The following PLA2R1 variants were observed in gnomAD, a reference collection of about 807,000 sequenced individuals.
The protein encoded by PLA2R1 is phospholipase A2 receptor 1, also known as secretory phospholipase A2 receptor.
PLA2R1 carries 158 observed loss-of-function variants against 195.9 expected under a neutral mutation model. That is an observed-to-expected ratio of 0.81 (90% CI 0.71 to 0.92). The LOEUF is 0.92. PLA2R1 is among the 40% of genes least tolerant of loss of function. The pLI, the probability that PLA2R1 is intolerant of heterozygous loss-of-function variation, is 0.00. For missense variants in PLA2R1, 1,626 were observed against 1,764.6 expected, an observed-to-expected ratio of 0.92 and a Z score of 1.41; for synonymous variants, 586 against 598.2, an observed-to-expected ratio of 0.98 and a Z score of 0.30.
At chr2:159,976,771 T>G in intron 15 of PLA2R1, 51 bp from the exon 16 acceptor site, 1 of 1,390,054 alleles carries the variant, frequency 7.2e-7, no homozygotes, top group Non-Finnish European at 1.0e-6. Context: ...TCAAGTGCAT[T>G]GTCTGTGAAT....
chr2:159,947,656 T>C (rs1181156423), intron 25 of PLA2R1, 97 bp from the exon 26 acceptor site: 8 of 1,170,068 alleles, frequency 6.8e-6, no homozygotes, highest in Admixed American at 2.2e-5. Context: ...AAGATAAATA[T>C]ATGTAACAAG....
chr2:159,968,636 T>C (rs1040183807), intron 19 of PLA2R1, among the ~76,000 whole-genome samples: 1 of 152,178 alleles, frequency 6.6e-6, no homozygotes, highest in Non-Finnish European at 1.5e-5. Flanking sequence ...GTTAGAGTAA[T>C]GGGTATCATT....
At chr2:160,020,298 C>G in intron 7 of PLA2R1, 35 bp from the exon 8 acceptor site, 1 of 1,516,346 alleles carries the variant, frequency 6.6e-7, no homozygotes, top group African/African-American at 1.4e-5. Context: ...TTATGGGATC[C>G]TATTATTTGC....
At chr2:159,947,984 C>G (rs1687490846) in intron 25 of PLA2R1, among the ~76,000 whole-genome samples, 2 of 152,258 alleles carry the variant, frequency 1.3e-5, no homozygotes, top group South Asian at 4.1e-4. Flanking sequence ...AAAGTCCTTA[C>G]CCACTAATAA....
rs1313315377 is a variant in PLA2R1 at position 160,013,743 on chromosome 2, G to A, written c.1552-368C>T. Among the ~76,000 whole-genome samples, 8 of 141,470 alleles carry A rather than the reference G, an allele frequency of 5.7e-5. 1 individual carries two copies. In the Middle Eastern group the frequency reaches 0.024, roughly 433 times the overall value. The allele number at this position is 141,470 out of a possible 152,430, so 92.8% of individuals were successfully genotyped here. A position where few individuals can be genotyped will look rare whatever the true frequency, so the allele number is the denominator to read the frequency against. The stretch of plus-strand genomic sequence containing the variant: ...TCTCTGTGTGTGTGTGTGTGTGTGT[G>A]TGTGTGTGTCTCTCTCTCTCTGACT... On this transcript the variant is annotated intron_variant, in intron 9 of 29. Transcript: ENST00000283243.
At chr2:160,046,609 TAATA>T (rs1418211416) in intron 1 of PLA2R1, among the ~76,000 whole-genome samples, 1 of 152,196 alleles carries the variant, frequency 6.6e-6, no homozygotes, top group Non-Finnish European at 1.5e-5. Flanking sequence ...GTCAATGTAT[TAATA>T]AATGGTATAC....
At chr2:159,977,548 C>G (rs1293561002) in intron 14 of PLA2R1, 132 bp from the exon 15 acceptor site, 4 of 629,224 alleles carry the variant, frequency 6.4e-6, no homozygotes, top group Non-Finnish European at 1.1e-5. Flanking sequence ...GGATGTCATT[C>G]TAGTTGAAGG....
intron 11 of PLA2R1, among the ~76,000 whole-genome samples, chr2:159,988,908 A>T (rs920657939): frequency 6.6e-6 from 1 of 152,188 alleles, no homozygotes; most frequent in African/African-American, 2.4e-5. Flanking sequence ...ATAATTTGCT[A>T]AAGAATGAGT....
downstream of PLA2R1, among the ~76,000 whole-genome samples, chr2:159,931,358 C>T (rs542041563): frequency 1.1e-4 from 16 of 152,100 alleles, no homozygotes; most frequent in South Asian, 1.5e-3. Flanking sequence ...AGTGAGACCC[C>T]GTCTCCACAA....
rs753175728 is a variant in PLA2R1 at position 160,045,107 on chromosome 2, C to T, written c.160G>A (p.Ala54Thr). The change falls in exon 2 of 30, where the codon GCA becomes ACA. Residue 54 changes from alanine (A) to threonine (T), a missense_variant. Ala to Thr is a moderately conservative substitution (Grantham distance 58, BLOSUM62 0). Coordinates refer to ENST00000283243, the MANE Select transcript of PLA2R1 (RefSeq NM_007366.5). ...QSESLKKCIQAGKSVLTLENC... is the reference protein window; with the variant it reads ...QSESLKKCIQTGKSVLTLENC... Reference sequence around the variant, plus strand: ...TCCAGGGTCAGAACCGATTTACCTGCTTGAATGCATTTCTTGAGACTCTCA... The same window carrying T: ...TCCAGGGTCAGAACCGATTTACCTGTTTGAATGCATTTCTTGAGACTCTCA... 1.9e-6 allele frequency: 3 copies of T among 1,611,692 alleles called. No homozygotes were observed. In the Admixed American group the frequency reaches 5.0e-5, roughly 27 times the overall value.
intron 11 of PLA2R1, among the ~76,000 whole-genome samples, chr2:159,989,959 T>C (rs887648345): frequency 6.6e-6 from 1 of 152,196 alleles, no homozygotes; most frequent in African/African-American, 2.4e-5. Flanking sequence ...GAAGGAGATG[T>C]TTGTGAACCA....
chr2:159,957,841 C>T (rs761900227), intron 20 of PLA2R1, among the ~76,000 whole-genome samples: 2 of 152,058 alleles, frequency 1.3e-5, no homozygotes, highest in Non-Finnish European at 2.9e-5. Context: ...AGGCAAAATT[C>T]CAGAGAGGTC....
At chr2:160,016,772 A>G in intron 8 of PLA2R1, 60 bp from the exon 9 acceptor site, 1 of 724,136 alleles carries the variant, frequency 1.4e-6, no homozygotes, top group South Asian at 1.5e-5. Flanking sequence ...GATGGGCAAT[A>G]GCAATTCTTA....
At chr2:160,056,033 C>T (rs116136262) in intron 1 of PLA2R1, among the ~76,000 whole-genome samples, 1,595 of 152,064 alleles carry the variant, frequency 0.01, 8 homozygotes, top group South Asian at 0.015. Context: ...GCTTTGATAC[C>T]AGCAGACTCC....
chr2:160,026,166 TA>T (rs1375848150), intron 6 of PLA2R1, among the ~76,000 whole-genome samples: 4 of 152,050 alleles, frequency 2.6e-5, no homozygotes, highest in Non-Finnish European at 5.9e-5. Context: ...TAAAAAATAG[TA>T]AAAAAGTAAA....
intron 4 of PLA2R1, 95 bp from the exon 5 acceptor site, chr2:160,029,058 C>T: frequency 2.8e-6 from 2 of 715,764 alleles, no homozygotes; most frequent in South Asian, 3.2e-5. Flanking sequence ...GAAACTAATT[C>T]CAGTCAATGA....
At chr2:160,027,200 T>G (rs2105499596) in intron 6 of PLA2R1, among the ~76,000 whole-genome samples, 1 of 152,206 alleles carries the variant, frequency 6.6e-6, no homozygotes, top group Non-Finnish European at 1.5e-5. Flanking sequence ...ACTACTCCCA[T>G]TTCTGGTCTT....
chr2:160,003,093 G>A (rs970231085), intron 11 of PLA2R1, among the ~76,000 whole-genome samples: 1 of 151,940 alleles, frequency 6.6e-6, no homozygotes, highest in East Asian at 1.9e-4. Context: ...ATGGTATTTC[G>A]AATCAGTAGA....
At chr2:160,003,867 C>G (rs545016581) in intron 11 of PLA2R1, among the ~76,000 whole-genome samples, 3 of 152,106 alleles carry the variant, frequency 2.0e-5, no homozygotes, top group Admixed American at 2.0e-4. Flanking sequence ...ATTATGAGTC[C>G]TACATACTAT....
Sources: gnomAD v4.1 joint callset for allele counts (sites outside exome capture counted in the v4.1 genomes callset) on GRCh38, gnomAD v4.1.1 for gene constraint, MANE v1.5 for transcripts, NCBI Gene and HGNC (gene_info 2026-07-23, HGNC 2026-07-21) for gene names.